Variants in LCP1 observed in about 807,000 individuals in gnomAD.
LCP1 encodes the protein lymphocyte cytosolic protein 1.
A neutral mutation model predicts 72.0 loss-of-function variants in LCP1; 23 were observed. The observed-to-expected ratio is 0.32, with a 90% CI of 0.23 to 0.45. The LOEUF (loss-of-function observed/expected upper bound fraction) is 0.45. Among genes scored for constraint, LCP1 ranks in the 20% least tolerant of loss-of-function variants. The probability of loss-of-function intolerance (pLI) is 1.00; values close to 1 mark genes in which losing one functional copy is unlikely to be tolerated. For missense variants in LCP1, 571 were observed against 748.3 expected, an observed-to-expected ratio of 0.76 and a Z score of 2.76; for synonymous variants, 245 against 275.4, an observed-to-expected ratio of 0.89 and a Z score of 1.09.
intron 10 of LCP1, among the ~76,000 whole-genome samples, chr13:46,145,908 CAAAAAAAAAAAAAAAAAAAAAA>C (rs527364466): frequency 1.7e-3 from 19 of 11,362 alleles, no homozygotes; most frequent in Non-Finnish European, 2.2e-3. Context: ...GACTCCGTCT[CAAAAAAAAAAAAAAAAAAAAAA>C]AAAAAAAAAA....
intron 9 of LCP1, 78 bp downstream of exon 9, chr13:46,148,274 A>G: frequency 1.0e-6 from 1 of 975,886 alleles, no homozygotes; most frequent in Admixed American, 2.0e-5. Flanking sequence ...CTCCAGAATC[A>G]GGGCCACACA....
At chr13:46,163,015 G>T (rs987772246) in intron 1 of LCP1, among the ~76,000 whole-genome samples, 24 of 147,812 alleles carry the variant, frequency 1.6e-4, no homozygotes, top group Non-Finnish European at 3.1e-4. Context: ...AGGGAGGTGG[G>T]GGGCAGCCCC....
intron 4 of LCP1, among the ~76,000 whole-genome samples, chr13:46,156,812 TTTC>T (rs2045804216): frequency 1.4e-5 from 2 of 144,448 alleles, no homozygotes; most frequent in South Asian, 4.1e-4. Flanking sequence ...TATCTCTCTG[TTTC>T]TTTTCTTTTC....
rs2045606225 is a variant in LCP1 at position 46,127,522 on chromosome 13, C to T, written c.*69G>A. 2 of 1,583,358 alleles carry T rather than the reference C, an allele frequency of 1.3e-6. No homozygotes were observed. Among genetic ancestry groups the T allele is most frequent in the African/African-American group, 2.7e-5 (2 of 74,158 alleles). On this transcript the variant is annotated 3_prime_UTR_variant, in exon 16 of 16. Coordinates refer to ENST00000323076, the MANE Select transcript of LCP1 (RefSeq NM_002298.5). ...AGTTGAACTTTGGAATGGCTTGAATCATCCCTGGAGCATCTGTGCCGGGCA... is the reference window on the plus strand; with the variant it reads ...AGTTGAACTTTGGAATGGCTTGAATTATCCCTGGAGCATCTGTGCCGGGCA...
chr13:46,176,147 A>G (rs995462732), intron 1 of LCP1, among the ~76,000 whole-genome samples: 1 of 152,232 alleles, frequency 6.6e-6, no homozygotes, highest in African/African-American at 2.4e-5. Context: ...CTATAGCACT[A>G]TAGGATAACT....
chr13:46,132,754 A>G (rs8001605), intron 14 of LCP1, among the ~76,000 whole-genome samples: 132,852 of 152,056 alleles, frequency 0.87, 58,276 homozygotes, highest in South Asian at 0.97. Flanking sequence ...GGCTGGAGAT[A>G]GAGCAGAGGT....
chr13:46,141,405 C>CAAAAAAAAAAA (rs762462829), intron 13 of LCP1, among the ~76,000 whole-genome samples: 6 of 52,274 alleles, frequency 1.1e-4, no homozygotes, highest in Admixed American at 2.4e-4. Context: ...GACTCTGTCT[C>CAAAAAAAAAAA]AAAAAAAAAA....
chr13:46,151,682 C>T (rs534587273), intron 7 of LCP1, among the ~76,000 whole-genome samples: 4 of 152,246 alleles, frequency 2.6e-5, no homozygotes, highest in African/African-American at 9.6e-5. Context: ...TCCTCTCCCC[C>T]GCCTTCTTTA....
At chr13:46,129,662 G>T (rs182264166) in intron 15 of LCP1, among the ~76,000 whole-genome samples, 29 of 152,180 alleles carry the variant, frequency 1.9e-4, no homozygotes, top group Non-Finnish European at 3.1e-4. Context: ...TTCCCAAACT[G>T]GGAACAGAGA....
chr13:46,176,859 G>A (rs368166901), intron 1 of LCP1, among the ~76,000 whole-genome samples: 79 of 149,738 alleles, frequency 5.3e-4, no homozygotes, highest in South Asian at 2.8e-3. Context: ...GTGTGTTTCC[G>A]TGTATGTGTG....
chr13:46,131,076 T>C (rs951817967), intron 14 of LCP1, 138 bp from the exon 15 acceptor site: 7 of 849,498 alleles, frequency 8.2e-6, no homozygotes, highest in South Asian at 2.8e-5. Context: ...GTATTCCACA[T>C]AGTGTTTCAA....
At chr13:46,154,064 G>A (rs759749537) in intron 6 of LCP1, among the ~76,000 whole-genome samples, 1 of 152,192 alleles carries the variant, frequency 6.6e-6, no homozygotes, top group African/African-American at 2.4e-5. Context: ...GAAGAAAAGT[G>A]GGTCCTTGTT....
At chr13:46,165,643 C>A (rs1249806665) in intron 1 of LCP1, among the ~76,000 whole-genome samples, 1 of 152,082 alleles carries the variant, frequency 6.6e-6, no homozygotes, top group Non-Finnish European at 1.5e-5. Context: ...CAGCTCTGCC[C>A]GACTGCTCCT....
intron 12 of LCP1, 123 bp from the exon 13 acceptor site, chr13:46,142,548 T>C (rs2146879): frequency 0.043 from 45,025 of 1,037,024 alleles, 2,142 homozygotes; most frequent in African/African-American, 0.22. Context: ...ACCTCTCAAG[T>C]CTCAACTGGT....
In LCP1 at chr13:46,152,795, G is replaced by A. The variant is rs2045776785; in HGVS notation, c.724C>T (p.Leu242Phe). 1 of 1,613,788 alleles carries A rather than the reference G, an allele frequency of 6.2e-7. No individual in the cohort carries two copies. The highest frequency in any genetic ancestry group is 1.3e-5 in the African/African-American group (1 of 75,000). The change falls in exon 7 of 16, where the codon CTC (leucine) becomes TTC (phenylalanine). Residue 242 changes from leucine to phenylalanine, a missense_variant. Leu to Phe is a conservative substitution (Grantham distance 22). Transcript: ENST00000323076. ...TTGCTCTTACCTTCATTTCTGCTGA[G>A]TTCAATGTCAGCAAACAACCCAATC... The part of the protein sequence containing the change: ...IKIGLFADIE[L>F]SRNEALIALL...
At chr13:46,168,371 G>A (rs752528477) in intron 1 of LCP1, 2 of 152,244 alleles carry the variant, frequency 1.3e-5, no homozygotes, top group African/African-American at 4.8e-5. Flanking sequence ...TGGCTCGGAG[G>A]TGCCTTCTGT....
chr13:46,149,908 G>A (rs2045753657), intron 8 of LCP1, among the ~76,000 whole-genome samples: 1 of 152,226 alleles, frequency 6.6e-6, no homozygotes, highest in Non-Finnish European at 1.5e-5. Flanking sequence ...GGTTGGTGGT[G>A]CTAGAAGAAT....
chr13:46,143,840 G>A (rs1476055029), intron 11 of LCP1, among the ~76,000 whole-genome samples: 1 of 152,218 alleles, frequency 6.6e-6, no homozygotes, highest in East Asian at 1.9e-4. Context: ...ACCAAGGCGG[G>A]TGGATCATGA....
intron 1 of LCP1, among the ~76,000 whole-genome samples, chr13:46,165,869 A>T (rs1593961754): frequency 6.6e-6 from 1 of 152,300 alleles, no homozygotes; most frequent in East Asian, 1.9e-4. Context: ...ACTTAAATTT[A>T]TTAAATCAAT....
Sources: allele counts gnomAD v4.1 joint callset (sites outside exome capture counted in the v4.1 genomes callset), GRCh38; gene constraint gnomAD v4.1.1; transcripts MANE v1.5; gene names NCBI Gene and HGNC (gene_info 2026-07-23, HGNC 2026-07-21).